ADGRF1: variants seen among roughly 807,000 people sequenced by gnomAD.
The protein encoded by ADGRF1 is G protein-coupled receptor 110.
Under a neutral mutation model 87.2 loss-of-function variants are expected in ADGRF1, and 85 were observed. That is an observed-to-expected ratio of 0.97 (90% CI 0.82 to 1.17). ADGRF1 has a LOEUF of 1.17. Ranked by LOEUF, ADGRF1 falls within the 50% of genes most tolerant of loss-of-function variation. The pLI, the probability that ADGRF1 is intolerant of heterozygous loss-of-function variation, is 0.00. For synonymous variants in ADGRF1, 430 were observed against 408.8 expected, an observed-to-expected ratio of 1.05 and a Z score of -0.63; for missense variants, 1,169 against 1,077.2, an observed-to-expected ratio of 1.09 and a Z score of -1.19.
chr6:47,034,374 A>G (rs1780527270), intron 1 of ADGRF1, among the ~76,000 whole-genome samples: 1 of 152,236 alleles, frequency 6.6e-6, no homozygotes, highest in Admixed American at 6.5e-5. Flanking sequence ...TGGTTATTAA[A>G]TTCTTTAACA....
chr6:47,040,690 C>T (rs1473450933), intron 1 of ADGRF1, among the ~76,000 whole-genome samples: 1 of 152,142 alleles, frequency 6.6e-6, no homozygotes, highest in Admixed American at 6.5e-5. Flanking sequence ...CCCTCAGATA[C>T]CCAGTGCCCT....
intron 3 of ADGRF1, among the ~76,000 whole-genome samples, chr6:47,026,759 C>T (rs1395326798): frequency 6.6e-6 from 1 of 152,170 alleles, no homozygotes; most frequent in Non-Finnish European, 1.5e-5. Context: ...CATCTCACAC[C>T]ATTGCACCCC....
intron 2 of ADGRF1, among the ~76,000 whole-genome samples, chr6:47,028,207 A>G (rs530056427): frequency 6.6e-6 from 1 of 152,326 alleles, no homozygotes; most frequent in African/African-American, 2.4e-5. Flanking sequence ...CACAGAAGCA[A>G]TGCGTGCATT....
intron 11 of ADGRF1, 94 bp from the exon 12 acceptor site, chr6:47,007,388 G>A: frequency 1.4e-6 from 1 of 721,402 alleles, no homozygotes; most frequent in Non-Finnish European, 2.4e-6. Context: ...ACCCCACATT[G>A]AAACTGTTTT....
At chr6:47,006,017 A>C (rs892988823) in intron 12 of ADGRF1, 141 bp from the exon 13 acceptor site, 1 of 536,518 alleles carries the variant, frequency 1.9e-6, no homozygotes, top group South Asian at 2.8e-5. Context: ...GATATCTGGT[A>C]GAAAGATTAT....
At chr6:47,021,888 T>C in intron 6 of ADGRF1, 70 bp downstream of exon 6, 1 of 817,692 alleles carries the variant, frequency 1.2e-6, no homozygotes, top group Admixed American at 2.3e-5. Context: ...TAAATATACA[T>C]GCTGAATTGA....
rs1357229771 is a variant in ADGRF1 at position 46,998,818 on chromosome 6, A to C, written c.*1404T>G. The C allele has an allele frequency of 6.6e-6, 1 of 152,240 alleles. No individual in the cohort carries two copies. The highest frequency in any genetic ancestry group is 1.5e-5 in the Non-Finnish European group (1 of 68,042). The allele number at this position is 152,240 out of a possible 1,614,324, so 9.4% of individuals were successfully genotyped here. ...TCTCATACATATTTGTGGGGTATAG[A>C]ACCATCTAACTGATCCTCAGTCATT... On this transcript the variant is annotated 3_prime_UTR_variant, in exon 15 of 15. Coordinates refer to ENST00000371253, the MANE Select transcript of ADGRF1 (RefSeq NM_153840.4).
In ADGRF1 at chr6:47,010,003, T is replaced by C. The variant is rs1465225049; in HGVS notation, c.1432A>G (p.Thr478Ala). Residue 478 changes from threonine (T) to alanine (A), a missense_variant, in exon 11 of 15, where the codon ACT becomes GCT. By Grantham distance (58) the Thr-to-Ala change is moderately conservative. Transcript: ENST00000371253. ...GTCAACGAGGCCATGCTGATAATAG[T>C]TTCTGGAAGGGATCTCTGGAATTGG... ...SDQFQRSLPE[T>A]IISMASLTLG... 1 of 1,614,124 alleles carries C rather than the reference T, an allele frequency of 6.2e-7. No homozygotes were observed. The highest frequency in any genetic ancestry group is 8.5e-7 in the Non-Finnish European group (1 of 1,180,014).
rs192919686 is a variant in ADGRF1, at chr6:47,033,499, C to T, written c.-43-4395G>A. Among the ~76,000 whole-genome samples, 292 of 152,344 alleles carry T rather than the reference C, an allele frequency of 1.9e-3. 5 individuals are homozygous for T. The highest frequency in any genetic ancestry group is 0.016 in the Admixed American group (241 of 15,302). On this transcript the variant is annotated intron_variant, in intron 1 of 14. Transcript: ENST00000371253. ...TAATCTTAGGCACAGTTGAACTCTG[C>T]GCTGTTTCTCTGGCATCAATATTTA...
chr6:47,026,362 A>G (rs1780233414), intron 3 of ADGRF1, among the ~76,000 whole-genome samples: 2 of 151,988 alleles, frequency 1.3e-5, no homozygotes, highest in Admixed American at 1.3e-4. Flanking sequence ...AATCCAAGTC[A>G]ACCTTCCCTC....
Position 46,997,752 on chromosome 6 carries a change from G to T in ADGRF1, c.*2470C>A, listed in dbSNP as rs1779253781. ...ATTGTTGTTTTAGTAGCATTTTGAGGTGAATGTATGCATAATCAGTGAATT... is the reference window on the plus strand; with the variant it reads ...ATTGTTGTTTTAGTAGCATTTTGAGTTGAATGTATGCATAATCAGTGAATT... On this transcript the variant is annotated 3_prime_UTR_variant, in exon 15 of 15. Transcript: ENST00000371253. The T allele has an allele frequency of 6.6e-6, 1 of 152,136 alleles. No homozygotes were observed. The highest frequency in any genetic ancestry group is 2.4e-5 in the African/African-American group (1 of 41,436). The allele number at this position is 152,136 out of a possible 1,614,324, so 9.4% of individuals were successfully genotyped here.
intron 1 of ADGRF1, among the ~76,000 whole-genome samples, chr6:47,037,282 T>C (rs1253201736): frequency 1.3e-5 from 2 of 152,222 alleles, no homozygotes; most frequent in Non-Finnish European, 2.9e-5. Context: ...CCAGCTTGAC[T>C]ATTTAAGTCA....
At position 46,999,094 on chromosome 6, in the gene ADGRF1, A is replaced by G. The variant is rs562886568; in HGVS notation, c.*1128T>C. Reference sequence around the variant, plus strand: ...CCTCTGGGCACTATGGTCACGGCTGAAACTCAGGTAGGTGAGCCAAATGTG... The same window carrying G: ...CCTCTGGGCACTATGGTCACGGCTGGAACTCAGGTAGGTGAGCCAAATGTG... On this transcript the variant is annotated 3_prime_UTR_variant, in exon 15 of 15. Coordinates refer to ENST00000371253, the MANE Select transcript of ADGRF1 (RefSeq NM_153840.4). 6.6e-6 allele frequency: 1 copy of G among 152,384 alleles called. No individual in the cohort carries two copies. The highest frequency in any genetic ancestry group is 6.5e-5 in the Admixed American group (1 of 15,292). The allele number at this position is 152,384 out of a possible 1,614,324, so 9.4% of individuals were successfully genotyped here.
intron 11 of ADGRF1, 129 bp downstream of exon 11, chr6:47,008,816 A>G (rs1561866149): frequency 8.1e-6 from 6 of 744,658 alleles, no homozygotes; most frequent in Non-Finnish European, 1.3e-5. Flanking sequence ...TATTGTTTCC[A>G]TGCAGTTTTT....
chr6:47,007,349 A>G (rs1025447363), intron 11 of ADGRF1, 55 bp from the exon 12 acceptor site: 6 of 1,132,280 alleles, frequency 5.3e-6, no homozygotes, highest in African/African-American at 3.1e-5. Context: ...TCCAAAAAAG[A>G]AAGCATTTAT....
chr6:47,014,343 C>T (rs945013599), intron 9 of ADGRF1: 21 of 1,033,936 alleles, frequency 2.0e-5, no homozygotes, highest in Middle Eastern at 4.6e-4. Flanking sequence ...TCACTCTTCT[C>T]TTTAATTCCC....
intron 1 of ADGRF1, among the ~76,000 whole-genome samples, chr6:47,033,500 G>A (rs1469370430): frequency 6.6e-6 from 1 of 152,202 alleles, no homozygotes; most frequent in Admixed American, 6.5e-5. Context: ...TGAACTCTGC[G>A]CTGTTTCTCT....
At chr6:47,001,107 C>T (rs1462654084) in intron 14 of ADGRF1, among the ~76,000 whole-genome samples, 1 of 152,254 alleles carries the variant, frequency 6.6e-6, no homozygotes, top group Non-Finnish European at 1.5e-5. Context: ...AACATCAGGG[C>T]ACAAGCACCT....
intron 10 of ADGRF1, 91 bp from the exon 11 acceptor site, chr6:47,010,409 A>G (rs1273751257): frequency 1.9e-6 from 2 of 1,072,324 alleles, no homozygotes; most frequent in Non-Finnish European, 2.6e-6. Flanking sequence ...AGAATAGGAA[A>G]AATGCCCAGA....
Sources: allele counts gnomAD v4.1 joint callset (sites outside exome capture counted in the v4.1 genomes callset), GRCh38; gene constraint gnomAD v4.1.1; transcripts MANE v1.5; gene names NCBI Gene and HGNC (gene_info 2026-07-23, HGNC 2026-07-21).